Variants in EPHA7 observed in about 807,000 individuals in gnomAD.
The protein encoded by EPHA7 is EPH receptor A7, also known as ephrin type-A receptor 7.
In EPHA7, 25 loss-of-function variants were observed where a neutral mutation model predicts 112.6. The ratio of observed to expected loss-of-function variants is 0.22; its 90% CI spans 0.16 to 0.31. EPHA7 has a LOEUF of 0.31. Ranked by LOEUF, EPHA7 falls within the 10% of genes least tolerant of loss-of-function variation. EPHA7 has a pLI of 1.00. For missense variants in EPHA7, 962 were observed against 1,212.6 expected (o/e 0.79, Z 3.07); for synonymous variants, 437 against 406.5 (o/e 1.07, Z -0.90).
intron 7 of EPHA7, among the ~76,000 whole-genome samples, chr6:93,269,196 T>C (rs925078814): frequency 8.6e-5 from 13 of 151,792 alleles, no homozygotes; most frequent in African/African-American, 1.2e-4. Flanking sequence ...AATACACAAA[T>C]TGAATCAGTC....
intron 1 of EPHA7, among the ~76,000 whole-genome samples, chr6:93,416,888 G>A (rs1284064586): frequency 6.6e-6 from 1 of 152,062 alleles, no homozygotes; most frequent in Admixed American, 6.5e-5. Context: ...GCCGTCGGAG[G>A]GGCGGGGCGG....
At chr6:93,324,253 C>G (rs1774211808) in intron 5 of EPHA7, among the ~76,000 whole-genome samples, 1 of 151,222 alleles carries the variant, frequency 6.6e-6, no homozygotes, top group South Asian at 2.1e-4. Context: ...AAATATGCCT[C>G]TAATTAAATC....
chr6:93,295,602 T>G (rs1395907988), intron 5 of EPHA7, among the ~76,000 whole-genome samples: 1 of 151,822 alleles, frequency 6.6e-6, no homozygotes, highest in Non-Finnish European at 1.5e-5. Context: ...TATCAAGATT[T>G]TCTTTATAGA....
At chr6:93,340,478 T>C (rs2127919334) in intron 5 of EPHA7, among the ~76,000 whole-genome samples, 1 of 151,982 alleles carries the variant, frequency 6.6e-6, no homozygotes, top group Admixed American at 6.6e-5. Flanking sequence ...AGCACCGAAA[T>C]GATGCTCAAA....
At chr6:93,349,211 C>T (rs895129181) in intron 5 of EPHA7, among the ~76,000 whole-genome samples, 11 of 151,710 alleles carry the variant, frequency 7.3e-5, no homozygotes, top group African/African-American at 4.8e-5. Flanking sequence ...TAATAACTTA[C>T]AGCCACTAAA....
rs1415381916 is a variant in EPHA7, at chr6:93,410,361, G to A, written c.832+140C>T. ...CTGTAGGGCAATCACTAAGTTCAAC[G>A]GTGACTTTGTTTAAGATCTACTGAA... On this transcript the variant is annotated intron_variant, in intron 3 of 16. Transcript: ENST00000369303. The surrounding 1 kb of genome is among the most constrained non-coding windows in gnomAD (Gnocchi z 4.0). 1.5e-5 allele frequency: 11 copies of A among 719,218 alleles called. No homozygotes were observed. The highest frequency in any genetic ancestry group is 7.1e-5 in the African/African-American group (4 of 56,220). 44.6% of individuals were successfully genotyped at this position (719,218 alleles called of 1,614,324 possible).
In EPHA7 at chr6:93,240,448, T is replaced by A. The variant is rs1769642356; in HGVS notation, c.*2978A>T. On this transcript the variant is annotated 3_prime_UTR_variant, in exon 17 of 17. Transcript: ENST00000369303. ...TATAGTCCTAAACAGTACTAGCTAA[T>A]GTAGATTACATAAGTATACAATATG... 1 of 218,410 alleles carries A rather than the reference T, an allele frequency of 4.6e-6. No individual in the cohort carries two copies. The highest frequency in any genetic ancestry group is 2.2e-5 in the African/African-American group (1 of 44,574). The allele number at this position is 218,410 out of a possible 1,614,324, so 13.5% of individuals were successfully genotyped here.
intron 9 of EPHA7, among the ~76,000 whole-genome samples, chr6:93,261,117 G>T (rs1166936398): frequency 6.6e-6 from 1 of 151,416 alleles, no homozygotes; most frequent in African/African-American, 2.4e-5. Flanking sequence ...ATGAAATACT[G>T]CCCAGCTTGG....
chr6:93,289,959 T>C (rs1213228428), intron 5 of EPHA7, among the ~76,000 whole-genome samples: 2 of 152,150 alleles, frequency 1.3e-5, no homozygotes, highest in Admixed American at 6.6e-5. Context: ...TATGAACAAA[T>C]TATTAAAGAA....
intron 3 of EPHA7, among the ~76,000 whole-genome samples, chr6:93,382,289 C>A (rs1418276829): frequency 3.9e-5 from 6 of 152,108 alleles, no homozygotes; most frequent in African/African-American, 1.2e-4. Context: ...CTCAGATCAT[C>A]AGGTATTAGT....
chr6:93,411,349 T>C (rs897141545), intron 2 of EPHA7, among the ~76,000 whole-genome samples, 179 bp from the exon 3 acceptor site: 4 of 152,204 alleles, frequency 2.6e-5, no homozygotes, highest in Admixed American at 2.6e-4. Flanking sequence ...TGGTGGAACA[T>C]ACTTATGCTG....
intron 5 of EPHA7, among the ~76,000 whole-genome samples, chr6:93,345,059 A>G (rs1462840644): frequency 6.6e-6 from 1 of 151,652 alleles, no homozygotes. Context: ...GTTAAAGAAC[A>G]TATGTTTATT....
rs766679134 is a variant in EPHA7 at position 93,356,823 on chromosome 6, T to G, written c.1218A>C (p.Leu406=). The change falls in exon 5 of 17, where the codon CTA becomes CTC. Residue 406 remains leucine, a synonymous_variant. Coordinates refer to ENST00000369303, the MANE Select transcript of EPHA7 (RefSeq NM_004440.4). The part of the protein sequence containing the change: ...EDNYVTVMDL[L]AHANYTFEVE... ...CTTCAAAAGTATAATTAGCGTGGGC[T>G]AGCAGGTCCATGACAGTGACATAGT... 3 of 1,614,172 alleles carry G rather than the reference T, an allele frequency of 1.9e-6. No homozygotes were observed. Among genetic ancestry groups the G allele is most frequent in the South Asian group, 1.1e-5 (1 of 91,082 alleles).
chr6:93,355,010 ACCTAAAAACGTTTCAAAT>A (rs140092166), intron 5 of EPHA7, among the ~76,000 whole-genome samples: 55,978 of 151,816 alleles, frequency 0.37, 11,574 homozygotes, highest in East Asian at 0.56. Flanking sequence ...AAAATCATAA[ACCTAAAAACGTTTCAAAT>A]CCACTCACTG....
In EPHA7 at chr6:93,411,178, A is replaced by T; in HGVS notation, c.163-8T>A. On this transcript the variant is annotated splice_polypyrimidine_tract_variant and splice_region_variant and intron_variant, in intron 2 of 16. Transcript: ENST00000369303. ...ACCACTAATTTCTTCCCACTGTAAA[A>T]TTTGAAAAAAGGTCATCAGTCATTC... 6.3e-7 allele frequency: 1 copy of T among 1,597,578 alleles called. No individual in the cohort carries two copies. The highest frequency in any genetic ancestry group is 8.5e-7 in the Non-Finnish European group (1 of 1,171,228).
intron 5 of EPHA7, among the ~76,000 whole-genome samples, chr6:93,306,382 A>G (rs1773259609): frequency 6.6e-6 from 1 of 152,048 alleles, no homozygotes; most frequent in Admixed American, 6.5e-5. Context: ...AGTACTAAAA[A>G]GTTTTAGGAA....
At chr6:93,272,764 T>C (rs1279601296) in intron 5 of EPHA7, among the ~76,000 whole-genome samples, 7 of 151,860 alleles carry the variant, frequency 4.6e-5, no homozygotes, top group South Asian at 2.1e-4. Context: ...ATAAACTAAG[T>C]CCAAATATTT....
In EPHA7 at chr6:93,356,823, T is replaced by C; in HGVS notation, c.1218A>G (p.Leu406=). The change falls in exon 5 of 17, where the codon CTA becomes CTG. Residue 406 remains leucine, a synonymous_variant. Coordinates refer to ENST00000369303, the MANE Select transcript of EPHA7 (RefSeq NM_004440.4). The part of the protein sequence containing the change: ...EDNYVTVMDL[L]AHANYTFEVE... ...CTTCAAAAGTATAATTAGCGTGGGC[T>C]AGCAGGTCCATGACAGTGACATAGT... The C allele has an allele frequency of 6.2e-7, 1 of 1,614,172 alleles. No homozygotes were observed. The highest frequency in any genetic ancestry group is 8.5e-7 in the Non-Finnish European group (1 of 1,180,016).
chr6:93,278,995 G>T (rs984697838), intron 5 of EPHA7, among the ~76,000 whole-genome samples: 1 of 152,086 alleles, frequency 6.6e-6, no homozygotes, highest in African/African-American at 2.4e-5. Context: ...ATAGGGATCT[G>T]CTCAGTAGGC....
Sources: allele counts gnomAD v4.1 joint callset (sites outside exome capture counted in the v4.1 genomes callset), GRCh38; gene constraint gnomAD v4.1.1; non-coding constraint Gnocchi (gnomAD v3.1); transcripts MANE v1.5; gene names NCBI Gene and HGNC (gene_info 2026-07-23, HGNC 2026-07-21).